Variants in PLAT observed in about 807,000 individuals in gnomAD.
PLAT encodes the protein plasminogen activator, tissue type, also known as tissue-type plasminogen activator.
PLAT carries 48 observed loss-of-function variants against 74.9 expected under a neutral mutation model. The observed-to-expected ratio is 0.64, with a 90% CI of 0.51 to 0.82. PLAT has a LOEUF of 0.82. Among genes scored for constraint, PLAT ranks in the 40% least tolerant of loss-of-function variants. The probability of loss-of-function intolerance (pLI) is 0.00; values close to 1 mark genes in which losing one functional copy is unlikely to be tolerated. For synonymous variants in PLAT, 307 were observed against 294.4 expected, an observed-to-expected ratio of 1.04 and a Z score of -0.44; for missense variants, 673 against 736.2, an observed-to-expected ratio of 0.91 and a Z score of 0.99.
intron 3 of PLAT, among the ~76,000 whole-genome samples, chr8:42,190,925 A>G (rs1563259597): frequency 1.3e-5 from 2 of 152,216 alleles, no homozygotes; most frequent in Admixed American, 1.3e-4. Context: ...CTGCCGGTGC[A>G]CTGTGGTGGG....
At chr8:42,207,082 G>A (rs1805679308) in intron 1 of PLAT, among the ~76,000 whole-genome samples, 1 of 152,148 alleles carries the variant, frequency 6.6e-6, no homozygotes, top group South Asian at 2.1e-4. Context: ...AGGAAACTAG[G>A]GGACCCAGCG....
intron 4 of PLAT, chr8:42,188,360 C>CA (rs1453368337): frequency 2.8e-5 from 6 of 217,584 alleles, no homozygotes; most frequent in Non-Finnish European, 3.6e-5. Flanking sequence ...ATCCTCACAG[C>CA]AAACCATGAA....
At chr8:42,188,801 T>C in intron 4 of PLAT, 133 bp downstream of exon 4, 1 of 725,780 alleles carries the variant, frequency 1.4e-6, no homozygotes, top group African/African-American at 1.7e-5. Flanking sequence ...TTTTTTATTT[T>C]TTGTAGAGAC....
intron 1 of PLAT, among the ~76,000 whole-genome samples, chr8:42,203,189 T>C (rs1179379048): frequency 6.6e-6 from 1 of 152,214 alleles, no homozygotes; most frequent in African/African-American, 2.4e-5. Context: ...TCTCCTGGTA[T>C]CTGGGTTCAG....
At chr8:42,179,251 C>T (rs1044400816) in intron 12 of PLAT, among the ~76,000 whole-genome samples, 188 bp from the exon 13 acceptor site, 1 of 152,144 alleles carries the variant, frequency 6.6e-6, no homozygotes, top group South Asian at 2.1e-4. Flanking sequence ...GGGATTGAAC[C>T]CACAGCCTCT....
intron 1 of PLAT, among the ~76,000 whole-genome samples, chr8:42,198,764 G>A (rs978425206): frequency 1.3e-5 from 2 of 152,152 alleles, no homozygotes; most frequent in Non-Finnish European, 2.9e-5. Flanking sequence ...TTAGGTTATT[G>A]TTGCTTAGCA....
chr8:42,199,952 T>C (rs977471092), intron 1 of PLAT, among the ~76,000 whole-genome samples: 8 of 152,208 alleles, frequency 5.3e-5, no homozygotes, highest in Non-Finnish European at 8.8e-5. Flanking sequence ...ACGCAATGAT[T>C]TGACAATTCT....
chr8:42,204,028 C>T (rs1806243131), intron 1 of PLAT, among the ~76,000 whole-genome samples: 2 of 147,188 alleles, frequency 1.4e-5, no homozygotes, highest in Admixed American at 6.8e-5. Flanking sequence ...CACACACACA[C>T]ATACAAACAC....
At chr8:42,178,617 T>G (rs1469757143) in intron 13 of PLAT, among the ~76,000 whole-genome samples, 1 of 152,198 alleles carries the variant, frequency 6.6e-6, no homozygotes, top group Non-Finnish European at 1.5e-5. Context: ...ACTTCAATAG[T>G]CAATCAATTG....
chr8:42,179,872 A>G (rs537597224), intron 12 of PLAT, 54 bp downstream of exon 12: 2 of 1,485,362 alleles, frequency 1.3e-6, no homozygotes, highest in East Asian at 4.7e-5. Flanking sequence ...GGTGGACCGC[A>G]GCCTCCCCTG....
In PLAT at chr8:42,175,951, A is replaced by C; in HGVS notation, c.*42T>G. The stretch of plus-strand genomic sequence containing the variant: ...TTTGCAGTGTCTTCTGAAGAAGAAG[A>C]GGCGGGATCTCATTTGCTTTTGAGG... On this transcript the variant is annotated 3_prime_UTR_variant, in exon 14 of 14. Transcript: ENST00000220809. The C allele has an allele frequency of 6.2e-7, 1 of 1,604,060 alleles. No homozygotes were observed. Among genetic ancestry groups the C allele is most frequent in the Non-Finnish European group, 8.5e-7 (1 of 1,172,316 alleles).
intron 8 of PLAT, chr8:42,182,409 C>T (rs1340298725): frequency 7.7e-6 from 1 of 129,256 alleles, no homozygotes; most frequent in Non-Finnish European, 1.6e-5. Flanking sequence ...GGTTGTCAGA[C>T]AGAACTGTGA....
intron 1 of PLAT, among the ~76,000 whole-genome samples, chr8:42,202,348 C>T (rs1806164498): frequency 2.0e-5 from 3 of 152,082 alleles, no homozygotes; most frequent in Admixed American, 2.0e-4. Flanking sequence ...TTAGCTCATC[C>T]ATACTGGGTT....
intron 7 of PLAT, among the ~76,000 whole-genome samples, chr8:42,183,194 G>C (rs1805321228): frequency 6.6e-6 from 1 of 152,176 alleles, no homozygotes; most frequent in Non-Finnish European, 1.5e-5. Flanking sequence ...GTTGAGACAG[G>C]GTTTCACCAT....
At position 42,187,381 on chromosome 8, in the gene PLAT, T is replaced by G. The variant is rs761240237; in HGVS notation, c.539+17A>C. ...GCTTCTCACAGGGGGAATCCCTCCT[T>G]GGGGATGTGCCCTCACCTGCAGTAG... On this transcript the variant is annotated intron_variant, in intron 6 of 13. Coordinates refer to ENST00000220809, the MANE Select transcript of PLAT (RefSeq NM_000930.5). 2.2e-5 allele frequency: 34 copies of G among 1,552,314 alleles called. No homozygotes were observed. Among genetic ancestry groups the G allele is most frequent in the Non-Finnish European group, 1.1e-5 (13 of 1,149,090 alleles).
intron 1 of PLAT, among the ~76,000 whole-genome samples, chr8:42,207,156 G>A (rs1224054875): frequency 6.6e-5 from 10 of 152,266 alleles, no homozygotes; most frequent in East Asian, 5.8e-4. Flanking sequence ...TTGCTTGCTC[G>A]TCTTGAGGTA....
At chr8:42,181,770 C>T (rs1805249399) in intron 9 of PLAT, among the ~76,000 whole-genome samples, 167 bp downstream of exon 9, 1 of 151,028 alleles carries the variant, frequency 6.6e-6, no homozygotes, top group African/African-American at 2.4e-5. Flanking sequence ...TCATGGACAC[C>T]CGCCCACCCA....
In PLAT at chr8:42,188,137, C is replaced by A. The variant is rs2070713; in HGVS notation, c.254-121G>T. ...CTCAAGTCCTGCAGCGTGGAACACG[C>A]GTATACCAGTTCTGCATCCTACAAA... On this transcript the variant is annotated intron_variant, in intron 4 of 13. Coordinates refer to ENST00000220809, the MANE Select transcript of PLAT (RefSeq NM_000930.5). 9 of 614,256 alleles carry A rather than the reference C, an allele frequency of 1.5e-5. No homozygotes were observed. The African/African-American group carries it at 1.5e-4, about 10-fold the overall frequency. The allele number at this position is 614,256 out of a possible 1,614,324, so 38.1% of individuals were successfully genotyped here. A position where few individuals can be genotyped will look rare whatever the true frequency, so the allele number is the denominator to read the frequency against.
chr8:42,205,330 C>T (rs766893182), intron 1 of PLAT, among the ~76,000 whole-genome samples: 1 of 152,180 alleles, frequency 6.6e-6, no homozygotes, highest in East Asian at 1.9e-4. Flanking sequence ...AGTTCAAGAC[C>T]AGTCTGGCCA....
Sources: gnomAD v4.1 joint callset for allele counts (sites outside exome capture counted in the v4.1 genomes callset) on GRCh38, gnomAD v4.1.1 for gene constraint, MANE v1.5 for transcripts, NCBI Gene and HGNC (gene_info 2026-07-23, HGNC 2026-07-21) for gene names.